CBFA2T3: variants seen among roughly 807,000 people sequenced by gnomAD.
The protein encoded by CBFA2T3 is CBFA2/RUNX1 partner transcriptional co-repressor 3, also known as transcriptional corepressor CBFA2T3.
CBFA2T3 carries 31 observed loss-of-function variants against 58.6 expected under a neutral mutation model. That is an observed-to-expected ratio of 0.53 (90% CI 0.40 to 0.71). The LOEUF is 0.71. CBFA2T3 is among the 30% of genes least tolerant of loss of function. The pLI is 0.00. For missense variants in CBFA2T3, 1,076 were observed against 963.1 expected (o/e 1.12, Z -1.55); for synonymous variants, 531 against 421.9 (o/e 1.26, Z -3.17).
chr16:88,900,834 C>T (rs1037304668), intron 2 of CBFA2T3, among the ~76,000 whole-genome samples: 4 of 152,284 alleles, frequency 2.6e-5, no homozygotes, highest in African/African-American at 9.6e-5. Flanking sequence ...CCCTGCCCCA[C>T]AGCCTCCCAG....
chr16:88,946,684 TG>T (rs1971911364), intron 1 of CBFA2T3, among the ~76,000 whole-genome samples: 1 of 152,142 alleles, frequency 6.6e-6, no homozygotes, highest in South Asian at 2.1e-4. Flanking sequence ...GGTTTCACCA[TG>T]TTGGCCAGGC....
intron 1 of CBFA2T3, among the ~76,000 whole-genome samples, chr16:88,916,244 G>C (rs139937694): frequency 6.6e-6 from 1 of 151,064 alleles, no homozygotes; most frequent in African/African-American, 2.4e-5. Context: ...GTATTCATGT[G>C]TGTATTCATG....
intron 1 of CBFA2T3, among the ~76,000 whole-genome samples, chr16:88,902,988 C>T (rs1970159915): frequency 6.6e-6 from 1 of 152,148 alleles, no homozygotes; most frequent in Non-Finnish European, 1.5e-5. Flanking sequence ...CCTGTTAACA[C>T]CTATGGGTCT....
At chr16:88,962,614 G>A (rs968530081) in intron 1 of CBFA2T3, among the ~76,000 whole-genome samples, 3 of 152,214 alleles carry the variant, frequency 2.0e-5, no homozygotes, top group Non-Finnish European at 4.4e-5. Flanking sequence ...TGGGAGGACT[G>A]AACACAGATG....
intron 1 of CBFA2T3, among the ~76,000 whole-genome samples, chr16:88,946,510 C>G (rs1597776364): frequency 6.6e-6 from 1 of 151,898 alleles, no homozygotes; most frequent in East Asian, 1.9e-4. Context: ...GAGGCAGAGT[C>G]TTGCTCTTGT....
At chr16:88,929,253 C>A (rs183048478) in intron 1 of CBFA2T3, among the ~76,000 whole-genome samples, 36 of 149,006 alleles carry the variant, frequency 2.4e-4, no homozygotes, top group Admixed American at 8.0e-4. Context: ...ACCCAGGGCG[C>A]CCCTGAACCA....
At chr16:88,969,232 C>T (rs1398948602) in intron 1 of CBFA2T3, among the ~76,000 whole-genome samples, 1 of 152,212 alleles carries the variant, frequency 6.6e-6, no homozygotes, top group African/African-American at 2.4e-5. Flanking sequence ...CCACTCTGTC[C>T]CCCTCAGGTC....
chr16:88,908,645 A>G (rs1047669362), intron 1 of CBFA2T3, among the ~76,000 whole-genome samples: 1 of 152,178 alleles, frequency 6.6e-6, no homozygotes, highest in Non-Finnish European at 1.5e-5. Flanking sequence ...CTCTCCATGG[A>G]AGGAGGACCC....
intron 5 of CBFA2T3, chr16:88,887,281 T>C (rs1007984891): frequency 2.6e-5 from 4 of 152,282 alleles, no homozygotes; most frequent in Non-Finnish European, 5.9e-5. Context: ...ACCGGCCATC[T>C]GTTGAGGACA....
chr16:88,894,204 G>A (rs1373394772), intron 3 of CBFA2T3, among the ~76,000 whole-genome samples: 1 of 141,998 alleles, frequency 7.0e-6, no homozygotes, highest in Non-Finnish European at 1.5e-5. Context: ...TGCACACAAT[G>A]TACACACATG....
At chr16:88,973,532 G>A (rs1476694644) in intron 1 of CBFA2T3, among the ~76,000 whole-genome samples, 1 of 152,160 alleles carries the variant, frequency 6.6e-6, no homozygotes, top group Non-Finnish European at 1.5e-5. Flanking sequence ...ACCCGGGGAG[G>A]GCAATCCAGA....
At chr16:88,962,643 GT>G (rs1972395376) in intron 1 of CBFA2T3, among the ~76,000 whole-genome samples, 1 of 152,226 alleles carries the variant, frequency 6.6e-6, no homozygotes, top group Admixed American at 6.5e-5. Context: ...CCTGGACCAC[GT>G]TTCGGGGGGA....
chr16:88,972,557 G>A (rs1165673026), intron 1 of CBFA2T3, among the ~76,000 whole-genome samples: 2 of 152,192 alleles, frequency 1.3e-5, no homozygotes, highest in African/African-American at 4.8e-5. Flanking sequence ...TTTCTGCCAT[G>A]ACTGACCCAG....
At position 88,886,045 on chromosome 16, in the gene CBFA2T3, A is replaced by C; in HGVS notation, c.809T>G (p.Leu270Arg). 1 of 1,582,296 alleles carries C rather than the reference A, an allele frequency of 6.3e-7. No homozygotes were observed. The highest frequency in any genetic ancestry group is 1.2e-5 in the South Asian group (1 of 86,768). ...GATGGGGGAGGAGGCGCTGGCGTCC[A>C]GCAGGAGCTGCTCATGCTGGGCCAA... ...QYLAQHEQLL[L>R]DASASSPIDS... is the part of the protein sequence containing the mutation. Residue 270 changes from leucine to arginine, a missense_variant, in exon 6 of 12, where the codon CTG (leucine) becomes CGG (arginine). By Grantham distance (102) the Leu-to-Arg change is moderately radical. Transcript: ENST00000268679.
intron 10 of CBFA2T3, 96 bp downstream of exon 10, chr16:88,880,624 G>C (rs556926203): frequency 4.1e-5 from 42 of 1,022,594 alleles, no homozygotes; most frequent in African/African-American, 3.6e-4. Flanking sequence ...CCCCCAGAGA[G>C]AGACAGAAGC....
chr16:88,899,894 T>C (rs1045688174), intron 2 of CBFA2T3, among the ~76,000 whole-genome samples: 6 of 152,140 alleles, frequency 3.9e-5, no homozygotes, highest in Admixed American at 6.5e-5. Context: ...CCTCTACCTA[T>C]GTGGGCTCGG....
intron 1 of CBFA2T3, among the ~76,000 whole-genome samples, chr16:88,921,918 C>A (rs1294672207): frequency 6.6e-6 from 1 of 152,248 alleles, no homozygotes; most frequent in Non-Finnish European, 1.5e-5. Context: ...CCCCGTCTCA[C>A]CCAGACCTCT....
chr16:88,905,091 T>C (rs1970255010), intron 1 of CBFA2T3, among the ~76,000 whole-genome samples: 1 of 151,366 alleles, frequency 6.6e-6, no homozygotes, highest in East Asian at 1.9e-4. Flanking sequence ...GAGAACAGCC[T>C]AGGAGTTGGC....
chr16:88,973,935 C>T (rs1337864928), intron 1 of CBFA2T3, among the ~76,000 whole-genome samples: 1 of 151,954 alleles, frequency 6.6e-6, no homozygotes, highest in African/African-American at 2.4e-5. Context: ...CCCCATAACA[C>T]CCGCCCGCCT....
Sources: allele counts gnomAD v4.1 joint callset (sites outside exome capture counted in the v4.1 genomes callset), GRCh38; gene constraint gnomAD v4.1.1; transcripts MANE v1.5; gene names NCBI Gene and HGNC (gene_info 2026-07-23, HGNC 2026-07-21).